GLYATL1: variants seen among roughly 807,000 people sequenced by gnomAD.
The protein encoded by GLYATL1 is glycine-N-acyltransferase like 1.
Under a neutral mutation model 20.0 loss-of-function variants are expected in GLYATL1, and 15 were observed. The observed-to-expected ratio is 0.75, with a 90% CI of 0.50 to 1.15. The LOEUF (loss-of-function observed/expected upper bound fraction) is 1.15. GLYATL1 is among the 50% of genes most tolerant of loss of function. The pLI, the probability that GLYATL1 is intolerant of heterozygous loss-of-function variation, is 0.00. For missense variants in GLYATL1, 380 were observed against 368.5 expected (o/e 1.03, Z -0.26); for synonymous variants, 151 against 131.5 (o/e 1.15, Z -1.01).
intron 2 of GLYATL1, among the ~76,000 whole-genome samples, chr11:58,943,987 GA>G (rs749324436): frequency 6.7e-6 from 1 of 150,254 alleles, no homozygotes; most frequent in African/African-American, 2.5e-5. Flanking sequence ...GCCTAGGTAG[GA>G]AAAAAATCAC....
upstream of GLYATL1, among the ~76,000 whole-genome samples, chr11:58,925,480 T>A (rs578396): frequency 0.28 from 43,313 of 152,134 alleles, 6,546 homozygotes; most frequent in Middle Eastern, 0.36. Context: ...AATAACTTTT[T>A]AAATATTTCC....
At chr11:58,917,912 G>T (rs1221810729) in intron 1 of GLYATL1, among the ~76,000 whole-genome samples, 1 of 152,008 alleles carries the variant, frequency 6.6e-6, no homozygotes, top group East Asian at 1.9e-4. Context: ...ACTGCCTTTG[G>T]GATGATTCAG....
At chr11:58,933,412 TC>T (rs765764824) in intron 1 of GLYATL1, among the ~76,000 whole-genome samples, 2 of 152,210 alleles carry the variant, frequency 1.3e-5, no homozygotes, top group Non-Finnish European at 2.9e-5. Context: ...TTTTACTCCC[TC>T]CAGGCTTATT....
At chr11:58,922,384 G>C (rs1855330262) in intron 1 of GLYATL1, among the ~76,000 whole-genome samples, 2 of 152,164 alleles carry the variant, frequency 1.3e-5, no homozygotes, top group Non-Finnish European at 1.5e-5. Context: ...AAAAAAACTG[G>C]TAAATGAAGG....
chr11:58,954,858 G>C lies in GLYATL1; in HGVS notation c.275G>C (p.Cys92Ser), dbSNP rs563895716. The C allele has an allele frequency of 2.5e-4, 411 of 1,613,448 alleles. No individual in the cohort carries two copies. The South Asian group carries it at 4.3e-3, about 17-fold the overall frequency. Residue 92 changes from cysteine to serine, a missense_variant, in exon 5 of 7, where the codon TGT (cysteine) becomes TCT (serine). Coordinates refer to ENST00000532726, the MANE Select transcript of GLYATL1 (RefSeq NM_001389712.2). ...AAATCAGAAGAAGTTTTGAAAAATT[G>C]TGAGATCGTAAACTGGAAACAGAGA... ...PQKSEEVLKN[C>S]EIVNWKQRLQ...
chr11:58,923,253 C>A (rs191627518), upstream of GLYATL1, among the ~76,000 whole-genome samples: 1 of 152,310 alleles, frequency 6.6e-6, no homozygotes, highest in African/African-American at 2.4e-5. Context: ...GAATTGTAAA[C>A]TTCCTTCCTT....
intron 1 of GLYATL1, 135 bp from the exon 2 acceptor site, chr11:58,943,408 T>C (rs901533793): frequency 4.8e-5 from 73 of 1,530,104 alleles, no homozygotes; most frequent in Non-Finnish European, 6.2e-5. Context: ...TGTCTATAAA[T>C]TCATTTTGAC....
downstream of GLYATL1, among the ~76,000 whole-genome samples, chr11:58,911,328 CT>C (rs1465161952): frequency 6.6e-6 from 1 of 152,104 alleles, no homozygotes; most frequent in Non-Finnish European, 1.5e-5. Context: ...TTTCATTTCT[CT>C]TGAGTTCACC....
chr11:58,935,857 A>T (rs1354099013), upstream of GLYATL1, among the ~76,000 whole-genome samples: 2 of 152,218 alleles, frequency 1.3e-5, no homozygotes, highest in Non-Finnish European at 2.9e-5. Context: ...ATGAGTATGT[A>T]TGTATTCACC....
In GLYATL1 at chr11:58,955,613, A is replaced by G. The variant is rs2009507727; in HGVS notation, c.495A>G (p.Glu165=). 1 of 1,612,906 alleles carries G rather than the reference A, an allele frequency of 6.2e-7. No homozygotes were observed. Residue 165 remains glutamate (E), a synonymous_variant, in exon 7 of 7, where the codon GAA becomes GAG. Transcript: ENST00000532726. The part of the protein sequence containing the change: ...TGHPDDEFES[E]TPNFKYAQLD... ...TCTTTCTTTTTGTTGTCTACAGTGA[A>G]ACTCCCAACTTTAAGTATGCCCAGC...
downstream of GLYATL1, among the ~76,000 whole-genome samples, chr11:58,909,056 T>C (rs1331766714): frequency 6.6e-6 from 1 of 152,208 alleles, no homozygotes; most frequent in African/African-American, 2.4e-5. Flanking sequence ...CACTATTTTG[T>C]TCAAAATATG....
At chr11:58,952,734 C>A (rs1857085288) in intron 4 of GLYATL1, among the ~76,000 whole-genome samples, 1 of 152,198 alleles carries the variant, frequency 6.6e-6, no homozygotes, top group Non-Finnish European at 1.5e-5. Context: ...GTAGTCCACA[C>A]TGTCTATTGT....
chr11:58,941,491 C>A (rs996249214), intron 1 of GLYATL1, among the ~76,000 whole-genome samples: 1 of 151,872 alleles, frequency 6.6e-6, no homozygotes, highest in Non-Finnish European at 1.5e-5. Flanking sequence ...TGAATAGTGC[C>A]GCAATAAACA....
At chr11:58,937,644 A>G (rs1485727020), upstream of GLYATL1, among the ~76,000 whole-genome samples, 1 of 152,216 alleles carries the variant, frequency 6.6e-6, no homozygotes. Context: ...ATTAATATCC[A>G]TAATCTTATT....
chr11:58,947,212 G>GA, intron 3 of GLYATL1, 47 bp downstream of exon 3: 1 of 1,588,324 alleles, frequency 6.3e-7, no homozygotes, highest in Non-Finnish European at 8.6e-7. Context: ...GGGTGTTGAG[G>GA]ATGAGAAAAT....
intron 4 of GLYATL1, among the ~76,000 whole-genome samples, chr11:58,948,640 TTTTTG>T (rs993660239): frequency 1.1e-4 from 16 of 151,880 alleles, no homozygotes; most frequent in African/African-American, 3.9e-4. Flanking sequence ...GACCCTGTTG[TTTTTG>T]TTTTGTTTTT....
intron 1 of GLYATL1, among the ~76,000 whole-genome samples, chr11:58,931,229 C>A (rs1454059844): frequency 2.0e-5 from 3 of 152,168 alleles, no homozygotes; most frequent in Admixed American, 6.5e-5. Flanking sequence ...TTTGCGTCAT[C>A]TTCCCTCTGT....
At chr11:58,930,261 A>G (rs1325946240) in intron 1 of GLYATL1, among the ~76,000 whole-genome samples, 2 of 152,240 alleles carry the variant, frequency 1.3e-5, no homozygotes, top group Non-Finnish European at 2.9e-5. Flanking sequence ...AAATCTCACA[A>G]GGAACATAAT....
chr11:58,954,390 A>AT (rs1347779940), intron 4 of GLYATL1, among the ~76,000 whole-genome samples: 4 of 152,198 alleles, frequency 2.6e-5, no homozygotes, highest in Non-Finnish European at 4.4e-5. Context: ...CAATTGTTGC[A>AT]TTTTTTTATT....
Sources: allele counts gnomAD v4.1 joint callset (sites outside exome capture counted in the v4.1 genomes callset), GRCh38; gene constraint gnomAD v4.1.1; transcripts MANE v1.5; gene names NCBI Gene and HGNC (gene_info 2026-07-23, HGNC 2026-07-21).